Variants in PON3 observed in about 807,000 individuals in gnomAD.
PON3 encodes the protein serum paraoxonase/lactonase 3.
A neutral mutation model predicts 36.3 loss-of-function variants in PON3; 37 were observed. The ratio of observed to expected loss-of-function variants is 1.02; its 90% CI spans 0.78 to 1.34. PON3 has a LOEUF of 1.34. Ranked by LOEUF, PON3 falls within the 40% of genes most tolerant of loss-of-function variation. The probability of loss-of-function intolerance (pLI) is 0.00; values close to 1 mark genes in which losing one functional copy is unlikely to be tolerated. For synonymous variants in PON3, 155 were observed against 154.8 expected, an observed-to-expected ratio of 1.00 and a Z score of -0.01; for missense variants, 415 against 426.5, an observed-to-expected ratio of 0.97 and a Z score of 0.24.
chr7:95,367,426 T>G lies in PON3; in HGVS notation c.430A>C (p.Lys144Gln). 1 of 1,612,906 alleles carries G rather than the reference T, an allele frequency of 6.2e-7. No homozygotes were observed. The change falls in exon 5 of 9, where the codon AAA becomes CAA. Residue 144 changes from lysine (K) to glutamine (Q), a missense_variant. Lys to Gln is a moderately conservative substitution (Grantham distance 53). Transcript: ENST00000265627. ...AGAGAACGTTGTTGTTCCTCAAATT[T>G]AAATATCTCCACAGTGGACTTCATG... ...PHMKSTVEIF[K>Q]FEEQQRSLVY...
intron 5 of PON3, chr7:95,364,956 T>C (rs1338954294): frequency 6.6e-6 from 1 of 152,098 alleles, no homozygotes; most frequent in Non-Finnish European, 1.5e-5. Flanking sequence ...TTAGATTAAA[T>C]TTTAGGGAGG....
At chr7:95,372,964 T>C (rs1275542979) in intron 3 of PON3, among the ~76,000 whole-genome samples, 1 of 152,174 alleles carries the variant, frequency 6.6e-6, no homozygotes, top group Non-Finnish European at 1.5e-5. Flanking sequence ...TTTATTCCAG[T>C]AACTTGGACA....
intron 8 of PON3, among the ~76,000 whole-genome samples, chr7:95,361,635 A>G (rs1434323684): frequency 6.6e-6 from 1 of 152,112 alleles, no homozygotes; most frequent in African/African-American, 2.4e-5. Flanking sequence ...GGATCTCTGT[A>G]TATTTTTTCT....
rs1234285528 is a variant in PON3, at chr7:95,363,855, G to T, written c.695+8C>A. 1 of 1,611,680 alleles carries T rather than the reference G, an allele frequency of 6.2e-7. No homozygotes were observed. On this transcript the variant is annotated splice_region_variant and intron_variant, in intron 6 of 8. Transcript: ENST00000265627. ...GCAAAGGATAGAAAAATACACAAAAGAGCTTACTTCTGGTCTGCTGAGACT... is the reference window on the plus strand; with the variant it reads ...GCAAAGGATAGAAAAATACACAAAATAGCTTACTTCTGGTCTGCTGAGACT...
At chr7:95,378,418 T>A (rs1364203107) in intron 3 of PON3, among the ~76,000 whole-genome samples, 1 of 152,048 alleles carries the variant, frequency 6.6e-6, no homozygotes, top group Admixed American at 6.6e-5. Context: ...ACAAAGATAC[T>A]CCTTGAGAAG....
At chr7:95,386,262 C>T (rs545914240) in intron 3 of PON3, among the ~76,000 whole-genome samples, 7 of 151,910 alleles carry the variant, frequency 4.6e-5, no homozygotes, top group South Asian at 2.1e-4. Context: ...AAATGAGAGA[C>T]GAATCAAATA....
At chr7:95,366,595 C>A (rs1808699687) in intron 5 of PON3, among the ~76,000 whole-genome samples, 2 of 152,112 alleles carry the variant, frequency 1.3e-5, no homozygotes, top group African/African-American at 2.4e-5. Context: ...AAGATGAATT[C>A]TTTATTGTTT....
intron 4 of PON3, among the ~76,000 whole-genome samples, chr7:95,368,417 TTCCTTCTGG>T (rs1228622440): frequency 3.3e-5 from 5 of 152,336 alleles, no homozygotes; most frequent in African/African-American, 9.6e-5. Flanking sequence ...AGAGGAAATC[TTCCTTCTGG>T]TCTGATCCAG....
intron 4 of PON3, 39 bp from the exon 5 acceptor site, chr7:95,367,527 C>G: frequency 6.2e-7 from 1 of 1,602,872 alleles, no homozygotes; most frequent in Non-Finnish European, 8.5e-7. Flanking sequence ...GAAAGTTACC[C>G]CTATCACAAC....
intron 1 of PON3, 25 bp downstream of exon 1, chr7:95,396,252 G>A (rs1208196127): frequency 6.2e-7 from 1 of 1,612,380 alleles, no homozygotes; most frequent in East Asian, 2.2e-5. Flanking sequence ...GAGAGTCGAA[G>A]ACGCCCTGTC....
intron 3 of PON3, among the ~76,000 whole-genome samples, chr7:95,375,698 G>A (rs1454001421): frequency 1.3e-5 from 2 of 152,178 alleles, no homozygotes; most frequent in Non-Finnish European, 2.9e-5. Flanking sequence ...AACAAGCTTG[G>A]TCTAGATTAA....
intron 3 of PON3, 46 bp downstream of exon 3, chr7:95,390,108 A>G: frequency 6.5e-7 from 1 of 1,529,340 alleles, no homozygotes. Flanking sequence ...TGCACTGTCT[A>G]TACAGCTATT....
intron 5 of PON3, chr7:95,364,281 C>A: frequency 3.5e-6 from 2 of 572,830 alleles, no homozygotes; most frequent in Non-Finnish European, 6.2e-6. Flanking sequence ...TCTTCTCTTT[C>A]ACAGAAATCA....
At chr7:95,385,911 A>C (rs1170904636) in intron 3 of PON3, among the ~76,000 whole-genome samples, 2 of 111,246 alleles carry the variant, frequency 1.8e-5, no homozygotes, top group African/African-American at 6.5e-5. Context: ...AACACATTTA[A>C]AGCAGTGTGT....
rs758370844 is a variant in PON3 at position 95,367,472 on chromosome 7, A to G, written c.384T>C (p.Leu128=). 30 of 1,613,142 alleles carry G rather than the reference A, an allele frequency of 1.9e-5. No homozygotes were observed. The Admixed American group carries it at 5.0e-4, about 27-fold the overall frequency. The change falls in exon 5 of 9, where the codon CTT becomes CTC. Residue 128 remains leucine (L), a synonymous_variant. Coordinates refer to ENST00000265627, the MANE Select transcript of PON3 (RefSeq NM_000940.3). ...TCATGTGGGGATGATTCACAACATA[A>G]AGATACACAGTATTGTCTACATGGA... ...IFIDKDNTVY[L]YVVNHPHMKS...
intron 3 of PON3, among the ~76,000 whole-genome samples, chr7:95,384,111 C>A (rs1446821217): frequency 6.6e-6 from 1 of 152,090 alleles, no homozygotes; most frequent in Non-Finnish European, 1.5e-5. Flanking sequence ...GGAAAGGATT[C>A]CCTATTTAAT....
intron 3 of PON3, among the ~76,000 whole-genome samples, chr7:95,388,603 G>T (rs1003773561): frequency 6.6e-6 from 1 of 152,298 alleles, no homozygotes; most frequent in East Asian, 1.9e-4. Context: ...ATACCCAAAG[G>T]ATTATAAATC....
At chr7:95,374,986 T>C (rs1326793285) in intron 3 of PON3, among the ~76,000 whole-genome samples, 1 of 152,138 alleles carries the variant, frequency 6.6e-6, no homozygotes, top group Non-Finnish European at 1.5e-5. Flanking sequence ...TTTGTAACTC[T>C]GTAACTCTAG....
chr7:95,367,270 A>G (rs190241819), intron 5 of PON3, 92 bp downstream of exon 5: 1 of 1,486,208 alleles, frequency 6.7e-7, no homozygotes, highest in Non-Finnish European at 9.2e-7. Context: ...ATTTCAAAAC[A>G]AAAGTTTAAG....
Sources: gnomAD v4.1 joint callset for allele counts (sites outside exome capture counted in the v4.1 genomes callset) on GRCh38, gnomAD v4.1.1 for gene constraint, MANE v1.5 for transcripts, NCBI Gene and HGNC (gene_info 2026-07-23, HGNC 2026-07-21) for gene names.